RANBP10: variants seen among roughly 807,000 people sequenced by gnomAD.
RANBP10 encodes RAN binding protein 10, also known as ran-binding protein 10.
Under a neutral mutation model 72.8 loss-of-function variants are expected in RANBP10, and 24 were observed. The observed-to-expected ratio is 0.33, with a 90% CI of 0.24 to 0.46. The LOEUF (loss-of-function observed/expected upper bound fraction) is 0.46, where lower values mean the gene tolerates loss of function less well. Among genes scored for constraint, RANBP10 ranks in the 20% least tolerant of loss-of-function variants. RANBP10 has a pLI of 1.00. For missense variants in RANBP10, 679 were observed against 817.5 expected (o/e 0.83, Z 2.07); for synonymous variants, 310 against 322.3 (o/e 0.96, Z 0.41).
At chr16:67,798,685 C>T (rs944989548) in intron 2 of RANBP10, among the ~76,000 whole-genome samples, 4 of 152,148 alleles carry the variant, frequency 2.6e-5, no homozygotes, top group Non-Finnish European at 5.9e-5. Flanking sequence ...TCTCTTCATA[C>T]CAAAGGAACA....
At chr16:67,782,944 A>C (rs1270047785) in intron 2 of RANBP10, among the ~76,000 whole-genome samples, 1 of 151,826 alleles carries the variant, frequency 6.6e-6, no homozygotes, top group Non-Finnish European at 1.5e-5. Context: ...GCTCTCACTC[A>C]TCAGACTCTC....
chr16:67,760,727 TGTA>T (rs1165466328), intron 3 of RANBP10, among the ~76,000 whole-genome samples: 1 of 152,194 alleles, frequency 6.6e-6, no homozygotes, highest in African/African-American at 2.4e-5. Flanking sequence ...TTTGAGGCAT[TGTA>T]GTAACTACGG....
chr16:67,750,818 G>A (rs1369748645), intron 3 of RANBP10, among the ~76,000 whole-genome samples: 1 of 143,922 alleles, frequency 6.9e-6, no homozygotes, highest in Non-Finnish European at 1.5e-5. Flanking sequence ...CCAGGCTGGA[G>A]TGCAGCGGCG....
chr16:67,727,501 G>C, intron 12 of RANBP10, 63 bp from the exon 13 acceptor site: 2 of 1,484,900 alleles, frequency 1.3e-6, no homozygotes. Context: ...TGCTACCCGT[G>C]GCTCCAGAGG....
At chr16:67,728,693 C>T in intron 10 of RANBP10, 182 bp from the exon 11 acceptor site, 2 of 1,125,380 alleles carry the variant, frequency 1.8e-6, no homozygotes, top group Non-Finnish European at 2.5e-6. Context: ...CACCAGCTAT[C>T]CTCAGAGGCC....
chr16:67,801,457 A>C (rs1210309710), intron 2 of RANBP10, among the ~76,000 whole-genome samples: 1 of 152,174 alleles, frequency 6.6e-6, no homozygotes, highest in Non-Finnish European at 1.5e-5. Flanking sequence ...ACTCCACTGC[A>C]CACCCTAAGC....
intron 3 of RANBP10, among the ~76,000 whole-genome samples, chr16:67,749,293 C>A (rs1489884228): frequency 6.6e-6 from 1 of 152,210 alleles, no homozygotes; most frequent in African/African-American, 2.4e-5. Flanking sequence ...GCTTTCACAT[C>A]TTTTTATCCA....
chr16:67,761,958 TAAG>T (rs2054403337), intron 3 of RANBP10, among the ~76,000 whole-genome samples: 2 of 151,910 alleles, frequency 1.3e-5, no homozygotes, highest in Admixed American at 6.6e-5. Context: ...TTCCCAATAA[TAAG>T]AATAGCTAAT....
intron 3 of RANBP10, chr16:67,759,550 T>G (rs576559489): frequency 6.6e-6 from 1 of 152,184 alleles, no homozygotes; most frequent in Non-Finnish European, 1.5e-5. Flanking sequence ...AGAAGCATAG[T>G]GGGCCCTGAT....
chr16:67,785,731 C>CAAAAAAAAAAAAAAAAAAAA (rs61683439), intron 2 of RANBP10, among the ~76,000 whole-genome samples: 40 of 71,750 alleles, frequency 5.6e-4, no homozygotes, highest in Non-Finnish European at 7.4e-4. Flanking sequence ...GACTCCATCT[C>CAAAAAAAAAAAAAAAAAAAA]AAAAAAAAAA....
At chr16:67,770,637 A>G (rs1263550214) in intron 3 of RANBP10, among the ~76,000 whole-genome samples, 1 of 152,154 alleles carries the variant, frequency 6.6e-6, no homozygotes, top group Non-Finnish European at 1.5e-5. Flanking sequence ...CTGCTGATTC[A>G]AGGGACCAAT....
chr16:67,778,131 C>T (rs569209706), intron 2 of RANBP10, among the ~76,000 whole-genome samples: 16 of 152,262 alleles, frequency 1.1e-4, no homozygotes, highest in Admixed American at 2.6e-4. Flanking sequence ...GGGTGGATCA[C>T]CTGAGGTCGG....
At chr16:67,783,919 C>G (rs756812964) in intron 2 of RANBP10, among the ~76,000 whole-genome samples, 1 of 151,762 alleles carries the variant, frequency 6.6e-6, no homozygotes, top group Non-Finnish European at 1.5e-5. Flanking sequence ...TGACGGGTGT[C>G]TATAATCCCA....
In RANBP10 at chr16:67,727,776, T is replaced by G. The variant is rs1436627133; in HGVS notation, c.1595A>C (p.Asn532Thr). ...CTGCAGCATCTCTGTGTGGGCCAAATTCTTGCCGTACTCCCGGCCCAACTG... is the reference window on the plus strand; with the variant it reads ...CTGCAGCATCTCTGTGTGGGCCAAAGTCTTGCCGTACTCCCGGCCCAACTG... ...SEQLGREYGK[N>T]LAHTEMLQDA... Residue 532 changes from asparagine (N) to threonine (T), a missense_variant, in exon 12 of 14, where the codon AAT becomes ACT. By Grantham distance (65) the Asn-to-Thr change is moderately conservative. Coordinates refer to ENST00000317506, the MANE Select transcript of RANBP10 (RefSeq NM_020850.3). 6.2e-7 allele frequency: 1 copy of G among 1,614,034 alleles called. No homozygotes were observed. Among genetic ancestry groups the G allele is most frequent in the African/African-American group, 1.3e-5 (1 of 74,926 alleles).
At chr16:67,789,753 G>A (rs1172790256) in intron 2 of RANBP10, among the ~76,000 whole-genome samples, 4 of 151,714 alleles carry the variant, frequency 2.6e-5, no homozygotes, top group African/African-American at 4.9e-5. Context: ...TTACAGGCAT[G>A]AGCCACCATG....
Position 67,723,778 on chromosome 16 carries a change from TC to T in RANBP10, c.*2649del, listed in dbSNP as rs1181369773. ...TCACCAGGGCTCCCCCAGGTGCCTT[TC>T]CCACTCTAGGCTCCTGGAAGCAGGC... is the stretch of plus-strand genomic sequence containing the variant. On this transcript the variant is annotated 3_prime_UTR_variant, in exon 14 of 14. Coordinates refer to ENST00000317506, the MANE Select transcript of RANBP10 (RefSeq NM_020850.3). 1 of 152,258 alleles carries T rather than the reference TC, an allele frequency of 6.6e-6. No individual in the cohort carries two copies. The highest frequency in any genetic ancestry group is 1.5e-5 in the Non-Finnish European group (1 of 68,090). The allele number at this position is 152,258 out of a possible 1,614,324, so 9.4% of individuals were successfully genotyped here. A position where few individuals can be genotyped will look rare whatever the true frequency, so the allele number is the denominator to read the frequency against.
chr16:67,778,546 C>T (rs920173292), intron 2 of RANBP10, among the ~76,000 whole-genome samples: 1 of 152,066 alleles, frequency 6.6e-6, no homozygotes, highest in Non-Finnish European at 1.5e-5. Context: ...ATAAAGTAAA[C>T]TTCATCAAAC....
chr16:67,764,648 G>A (rs2054462926), intron 3 of RANBP10, among the ~76,000 whole-genome samples: 1 of 152,146 alleles, frequency 6.6e-6, no homozygotes, highest in African/African-American at 2.4e-5. Flanking sequence ...AGCTATGATC[G>A]TGCCACTGTA....
At chr16:67,767,309 T>C (rs1402744692) in intron 3 of RANBP10, among the ~76,000 whole-genome samples, 1 of 151,936 alleles carries the variant, frequency 6.6e-6, no homozygotes, top group Middle Eastern at 3.2e-3. Flanking sequence ...CAGTTTTTAC[T>C]AGGCAGGCAT....
Sources: allele counts gnomAD v4.1 joint callset (sites outside exome capture counted in the v4.1 genomes callset), GRCh38; gene constraint gnomAD v4.1.1; transcripts MANE v1.5; gene names NCBI Gene and HGNC (gene_info 2026-07-23, HGNC 2026-07-21).